CCDC7: variants seen among roughly 807,000 people sequenced by gnomAD.
CCDC7 encodes the protein coiled-coil domain-containing protein 7.
In CCDC7, 183 loss-of-function variants were observed where a neutral mutation model predicts 196.9. That is an observed-to-expected ratio of 0.93 (90% CI 0.82 to 1.05). The LOEUF is 1.05. Ranked by LOEUF, CCDC7 falls within the 50% of genes least tolerant of loss-of-function variation. The pLI is 0.00. For synonymous variants in CCDC7, 525 were observed against 484.6 expected (o/e 1.08, Z -1.10); for missense variants, 1,540 against 1,482.2 (o/e 1.04, Z -0.64).
chr10:32,487,315 G>T (rs1242039156), intron 8 of CCDC7, among the ~76,000 whole-genome samples: 1 of 152,050 alleles, frequency 6.6e-6, no homozygotes, highest in South Asian at 2.1e-4. Context: ...TGTAGTTCTC[G>T]TGCCTTAGTT....
chr10:32,639,617 A>C (rs529380762), intron 20 of CCDC7, among the ~76,000 whole-genome samples: 6 of 147,620 alleles, frequency 4.1e-5, no homozygotes, highest in Non-Finnish European at 7.5e-5. Context: ...AGTTTGTTAT[A>C]ATTTCTGTTC....
intron 21 of CCDC7, among the ~76,000 whole-genome samples, chr10:32,684,922 T>C (rs1040699497): frequency 2.7e-5 from 4 of 150,430 alleles, no homozygotes; most frequent in African/African-American, 9.8e-5. Flanking sequence ...TTGCTTTCAG[T>C]TTTAGTTTCT....
intron 8 of CCDC7, among the ~76,000 whole-genome samples, chr10:32,477,823 G>A (rs1172193521): frequency 6.6e-6 from 1 of 152,052 alleles, no homozygotes; most frequent in Non-Finnish European, 1.5e-5. Context: ...ACTTCTCTGG[G>A]TCTATTAAAC....
At chr10:32,572,253 A>G (rs2057666419) in intron 16 of CCDC7, among the ~76,000 whole-genome samples, 1 of 152,148 alleles carries the variant, frequency 6.6e-6, no homozygotes, top group African/African-American at 2.4e-5. Context: ...AATCATTTTT[A>G]CCTTCCATTT....
intron 41 of CCDC7, among the ~76,000 whole-genome samples, chr10:32,868,056 T>A (rs2094271997): frequency 1.3e-5 from 2 of 152,022 alleles, no homozygotes; most frequent in African/African-American, 4.8e-5. Context: ...CTTAGCATAA[T>A]GTCTTCAAGA....
intron 37 of CCDC7, among the ~76,000 whole-genome samples, chr10:32,846,711 C>T (rs1453811939): frequency 1.3e-5 from 2 of 152,140 alleles, no homozygotes; most frequent in African/African-American, 4.8e-5. Flanking sequence ...AGAGTAGTCT[C>T]AATGTAGGCA....
At chr10:32,512,935 G>T (rs1038309648) in intron 9 of CCDC7, 3 of 152,084 alleles carry the variant, frequency 2.0e-5, no homozygotes, top group African/African-American at 7.2e-5. Context: ...TCAACTATTG[G>T]CAGAGAGGTA....
intron 30 of CCDC7, among the ~76,000 whole-genome samples, chr10:32,810,835 A>T (rs1592997442): frequency 6.6e-6 from 1 of 152,286 alleles, no homozygotes; most frequent in South Asian, 2.1e-4. Context: ...ACCATGACAG[A>T]TTAAAACTAG....
intron 31 of CCDC7, among the ~76,000 whole-genome samples, chr10:32,821,247 C>A (rs2090128078): frequency 1.3e-5 from 2 of 152,146 alleles, no homozygotes; most frequent in Non-Finnish European, 2.9e-5. Context: ...AAATGCAAAT[C>A]AAAACCACAA....
chr10:32,668,734 G>T (rs957146855), intron 21 of CCDC7, among the ~76,000 whole-genome samples: 4 of 152,124 alleles, frequency 2.6e-5, no homozygotes, highest in African/African-American at 9.7e-5. Flanking sequence ...CTTGATCATG[G>T]TGGATAAGCT....
chr10:32,757,319 AC>A (rs150472415), intron 28 of CCDC7, among the ~76,000 whole-genome samples: 2,673 of 152,278 alleles, frequency 0.018, 86 homozygotes, highest in African/African-American at 0.061. Flanking sequence ...GCAGCACATC[AC>A]ACTTATTCCA....
chr10:32,465,123 T>TTA (rs78274962), intron 5 of CCDC7, among the ~76,000 whole-genome samples: 1,537 of 150,290 alleles, frequency 0.01, 9 homozygotes, highest in Middle Eastern at 0.021. Context: ...TTTTTTTTTT[T>TTA]AAAGTATTCA....
At chr10:32,708,325 A>G (rs559340959) in intron 24 of CCDC7, among the ~76,000 whole-genome samples, 5 of 152,144 alleles carry the variant, frequency 3.3e-5, no homozygotes, top group Admixed American at 6.5e-5. Flanking sequence ...ATTAATTCAC[A>G]TGGATTAAAG....
At chr10:32,557,275 T>C (rs1459338379) in intron 13 of CCDC7, among the ~76,000 whole-genome samples, 1 of 151,902 alleles carries the variant, frequency 6.6e-6, no homozygotes, top group Non-Finnish European at 1.5e-5. Flanking sequence ...TTTATTGCTT[T>C]TTTTTTTTCC....
At chr10:32,813,850 A>G (rs891102198) in intron 30 of CCDC7, among the ~76,000 whole-genome samples, 3 of 152,224 alleles carry the variant, frequency 2.0e-5, no homozygotes, top group African/African-American at 4.8e-5. Context: ...AAGCCTGAAT[A>G]TAGTCTGGCT....
At chr10:32,500,118 A>T (rs564210868) in intron 9 of CCDC7, among the ~76,000 whole-genome samples, 27 of 152,240 alleles carry the variant, frequency 1.8e-4, no homozygotes, top group African/African-American at 6.5e-4. Context: ...GCTGTTGGGT[A>T]CACCTCCCAG....
At chr10:32,821,670 A>G (rs1282369178) in intron 31 of CCDC7, among the ~76,000 whole-genome samples, 2 of 152,220 alleles carry the variant, frequency 1.3e-5, no homozygotes, top group African/African-American at 4.8e-5. Context: ...AGGGACATGG[A>G]TGAAGCTGGA....
intron 9 of CCDC7, among the ~76,000 whole-genome samples, chr10:32,502,809 G>A (rs1335806971): frequency 3.3e-5 from 5 of 152,092 alleles, no homozygotes; most frequent in Non-Finnish European, 5.9e-5. Flanking sequence ...TCAATTCTTT[G>A]TGTGTTCTTC....
chr10:32,595,334 G>A (rs748232364), intron 18 of CCDC7, among the ~76,000 whole-genome samples: 14 of 152,080 alleles, frequency 9.2e-5, no homozygotes, highest in Non-Finnish European at 1.5e-4. Flanking sequence ...GTTTATTTGC[G>A]TAGAGATGTT....
Sources: allele counts gnomAD v4.1 joint callset (sites outside exome capture counted in the v4.1 genomes callset), GRCh38; gene constraint gnomAD v4.1.1; transcripts MANE v1.5; gene names NCBI Gene and HGNC (gene_info 2026-07-23, HGNC 2026-07-21).